ENKUR: variants seen among roughly 807,000 people sequenced by gnomAD.
ENKUR encodes the protein enkurin.
In ENKUR, 19 loss-of-function variants were observed where a neutral mutation model predicts 27.6. The ratio of observed to expected loss-of-function variants is 0.69; its 90% confidence interval spans 0.48 to 1.01. The LOEUF (loss-of-function observed/expected upper bound fraction) is 1.01. ENKUR is among the 50% of genes least tolerant of loss of function. ENKUR has a pLI of 0.00. For synonymous variants in ENKUR, 117 were observed against 96.9 expected, an observed-to-expected ratio of 1.21 and a Z score of -1.22; for missense variants, 312 against 310.5, an observed-to-expected ratio of 1.00 and a Z score of -0.04.
upstream of ENKUR, chr10:25,016,237 T>C: frequency 7.7e-6 from 8 of 1,044,030 alleles, no homozygotes; most frequent in Non-Finnish European, 9.4e-6. Flanking sequence ...CTCTTCCCTC[T>C]TTCTGCAGCG....
intron 2 of ENKUR, chr10:25,025,564 T>G: frequency 9.2e-7 from 1 of 1,091,026 alleles, no homozygotes; most frequent in Non-Finnish European, 1.3e-6. Flanking sequence ...TATCTCTATA[T>G]CTGTTTGGAA....
intron 1 of ENKUR, among the ~76,000 whole-genome samples, chr10:25,011,850 T>C (rs567409804): frequency 4.1e-4 from 62 of 152,308 alleles, no homozygotes; most frequent in African/African-American, 1.4e-3. Flanking sequence ...CTGCAGAAAT[T>C]TGCATAAGGA....
At chr10:25,050,623 G>A (rs1440854825) in intron 2 of ENKUR, among the ~76,000 whole-genome samples, 1 of 152,106 alleles carries the variant, frequency 6.6e-6, no homozygotes, top group African/African-American at 2.4e-5. Context: ...AGATTTGGGT[G>A]GGGATTCAGG....
chr10:24,995,207 T>C (rs2132685620), intron 3 of ENKUR, among the ~76,000 whole-genome samples: 1 of 152,308 alleles, frequency 6.6e-6, no homozygotes, highest in Admixed American at 6.5e-5. Context: ...ACTGATGAGA[T>C]GGATGGCTCT....
At chr10:25,023,444 T>A (rs1262520461) in intron 2 of ENKUR, 1 of 1,614,118 alleles carries the variant, frequency 6.2e-7, no homozygotes, top group Admixed American at 1.7e-5. Flanking sequence ...GTAGGCAGAA[T>A]AATAGGTCAG....
chr10:25,061,901 G>C (rs1851332828), intron 1 of ENKUR, among the ~76,000 whole-genome samples: 1 of 152,150 alleles, frequency 6.6e-6, no homozygotes, highest in Non-Finnish European at 1.5e-5. Context: ...TTTATATGTA[G>C]GATAGTTACT....
chr10:24,990,389 C>T, intron 4 of ENKUR, 74 bp downstream of exon 4: 1 of 1,515,626 alleles, frequency 6.6e-7, no homozygotes, highest in Non-Finnish European at 8.8e-7. Flanking sequence ...CTTTAATCAT[C>T]AAAGTGATGG....
upstream of ENKUR, among the ~76,000 whole-genome samples, chr10:25,020,626 G>T (rs1554772190): frequency 6.6e-6 from 1 of 151,800 alleles, no homozygotes; most frequent in Non-Finnish European, 1.5e-5. Context: ...AATTAGCTGG[G>T]TGTGGTGATG....
chr10:24,989,358 C>A (rs1243576165), intron 4 of ENKUR, among the ~76,000 whole-genome samples: 2 of 152,200 alleles, frequency 1.3e-5, no homozygotes, highest in Non-Finnish European at 2.9e-5. Context: ...GGGGATGCTG[C>A]TGTCAGCAAA....
chr10:25,060,403 G>T (rs566119095), intron 2 of ENKUR, among the ~76,000 whole-genome samples: 2 of 152,104 alleles, frequency 1.3e-5, no homozygotes, highest in Non-Finnish European at 2.9e-5. Flanking sequence ...AAATAGATCC[G>T]CAGCAGAAAA....
At chr10:25,033,442 A>C (rs1338179463) in intron 2 of ENKUR, among the ~76,000 whole-genome samples, 4 of 150,150 alleles carry the variant, frequency 2.7e-5, no homozygotes, top group Non-Finnish European at 5.9e-5. Flanking sequence ...GTGGTCCAAT[A>C]CTTATAGTAA....
intron 2 of ENKUR, among the ~76,000 whole-genome samples, chr10:25,043,423 G>T (rs1250952430): frequency 6.6e-6 from 1 of 152,008 alleles, no homozygotes. Context: ...TTAAAAATTA[G>T]TCATCATTTA....
At chr10:25,045,474 A>T (rs1851112708) in intron 2 of ENKUR, among the ~76,000 whole-genome samples, 2 of 152,232 alleles carry the variant, frequency 1.3e-5, no homozygotes, top group African/African-American at 4.8e-5. Context: ...GGAATTCTCC[A>T]AGAAATGAAA....
chr10:25,021,414 T>TC (rs1263735378), intron 2 of ENKUR, among the ~76,000 whole-genome samples: 11 of 152,228 alleles, frequency 7.2e-5, no homozygotes, highest in Non-Finnish European at 1.6e-4. Context: ...GCTGACTTTT[T>TC]CCCCTCTGAT....
At chr10:25,007,335 C>T (rs1485628354) in intron 1 of ENKUR, among the ~76,000 whole-genome samples, 4 of 152,210 alleles carry the variant, frequency 2.6e-5, no homozygotes. Context: ...ATATTTTCTT[C>T]TCTCAACATT....
At chr10:24,990,683 G>T in intron 3 of ENKUR, 74 bp from the exon 4 acceptor site, 1 of 1,383,816 alleles carries the variant, frequency 7.2e-7, no homozygotes, top group Non-Finnish European at 9.8e-7. Flanking sequence ...ATCAACTGAT[G>T]ATGGAAGAAA....
At position 25,011,015 on chromosome 10, in the gene ENKUR, G is replaced by T. The variant is rs1206432245; in HGVS notation, c.77+4845C>A. 8.4e-4 allele frequency among the ~76,000 whole-genome samples: 125 copies of T among 149,478 alleles called. 1 individual carries two copies. Among genetic ancestry groups the T allele is most frequent in the Admixed American group, 3.7e-3 (55 of 15,000 alleles). The stretch of plus-strand genomic sequence containing the variant: ...TCTAGTTCTAGATCCCTGAGGAATC[G>T]CCACACTGACTTCCACAATGGTTGA... On this transcript the variant is annotated intron_variant, in intron 1 of 5. Transcript: ENST00000331161.
Position 24,984,262 on chromosome 10 carries a change from G to A in ENKUR, c.*108C>T. On this transcript the variant is annotated 3_prime_UTR_variant, in exon 6 of 6. Coordinates refer to ENST00000331161, the MANE Select transcript of ENKUR (RefSeq NM_145010.4). Reference sequence around the variant, plus strand: ...ACAGGAAAATACATCTTTTGCATTTGTGGAGCTCAGAAACAATGTGTTGGA... The same window carrying A: ...ACAGGAAAATACATCTTTTGCATTTATGGAGCTCAGAAACAATGTGTTGGA... The A allele has an allele frequency of 8.1e-7, 1 of 1,236,396 alleles. No individual in the cohort carries two copies. Among genetic ancestry groups the A allele is most frequent in the Non-Finnish European group, 1.1e-6 (1 of 888,782 alleles). The allele number at this position is 1,236,396 out of a possible 1,614,324, so 76.6% of individuals were successfully genotyped here.
At chr10:25,016,194 A>C, upstream of ENKUR, 1 of 1,174,712 alleles carries the variant, frequency 8.5e-7, no homozygotes, top group Non-Finnish European at 1.1e-6. Flanking sequence ...GGCAACGAGG[A>C]AGTGGCAGGC....
Sources: gnomAD v4.1 joint callset for allele counts (sites outside exome capture counted in the v4.1 genomes callset) on GRCh38, gnomAD v4.1.1 for gene constraint, MANE v1.5 for transcripts, NCBI Gene and HGNC (gene_info 2026-07-23, HGNC 2026-07-21) for gene names.